ZNF385D: variants seen among roughly 807,000 people sequenced by gnomAD.
The protein encoded by ZNF385D is zinc finger protein 659.
Under a neutral mutation model 35.8 loss-of-function variants are expected in ZNF385D, and 15 were observed. The observed-to-expected ratio is 0.42, with a 90% CI of 0.28 to 0.64. ZNF385D has a LOEUF of 0.64. Among genes scored for constraint, ZNF385D ranks in the 30% least tolerant of loss-of-function variants. The pLI is 0.23. For synonymous variants in ZNF385D, 212 were observed against 186.8 expected, an observed-to-expected ratio of 1.13 and a Z score of -1.10; for missense variants, 474 against 494.6, an observed-to-expected ratio of 0.96 and a Z score of 0.39.
At chr3:21,499,623 C>A (rs2125434426) in intron 4 of ZNF385D, among the ~76,000 whole-genome samples, 1 of 151,302 alleles carries the variant, frequency 6.6e-6, no homozygotes, top group African/African-American at 2.4e-5. Context: ...CACCACTAAA[C>A]CTAATAAAAG....
chr3:22,032,173 T>C (rs1337180824), intron 3 of ZNF385D, among the ~76,000 whole-genome samples: 2 of 152,180 alleles, frequency 1.3e-5, no homozygotes, highest in African/African-American at 4.8e-5. Context: ...CTTCCGAAGT[T>C]TCCCACATCT....
At chr3:22,190,926 C>A (rs1695977735) in intron 2 of ZNF385D, among the ~76,000 whole-genome samples, 1 of 152,114 alleles carries the variant, frequency 6.6e-6, no homozygotes, top group Non-Finnish European at 1.5e-5. Flanking sequence ...AATGTAAAAT[C>A]ATCTATGAAA....
intron 3 of ZNF385D, among the ~76,000 whole-genome samples, chr3:22,032,909 G>C (rs924137834): frequency 9.2e-5 from 14 of 152,220 alleles, no homozygotes; most frequent in African/African-American, 3.1e-4. Context: ...GGCACAGAGA[G>C]GTAAAGTAAC....
chr3:21,807,918 A>G (rs1337329621), intron 3 of ZNF385D, among the ~76,000 whole-genome samples: 2 of 152,218 alleles, frequency 1.3e-5, no homozygotes, highest in African/African-American at 4.8e-5. Flanking sequence ...CTAAATTTAT[A>G]GAAGGAAATT....
intron 1 of ZNF385D, among the ~76,000 whole-genome samples, chr3:21,693,906 A>C (rs1575474479): frequency 7.3e-6 from 1 of 137,136 alleles, no homozygotes; most frequent in African/African-American, 2.8e-5. Context: ...TTTGAGACGG[A>C]GTCTCACTGT....
chr3:21,528,542 T>C (rs1260297500), intron 3 of ZNF385D, among the ~76,000 whole-genome samples: 1 of 152,178 alleles, frequency 6.6e-6, no homozygotes, highest in South Asian at 2.1e-4. Context: ...ACCCATTAAA[T>C]ATATTAAAAC....
At chr3:21,421,506 C>A (rs1247477952) in intron 7 of ZNF385D, 59 bp from the exon 8 acceptor site, 3 of 1,263,408 alleles carry the variant, frequency 2.4e-6, no homozygotes, top group Non-Finnish European at 3.3e-6. Context: ...GTACTTAAAA[C>A]CCAAAATGGC....
chr3:22,073,026 T>C (rs554436239), intron 3 of ZNF385D, among the ~76,000 whole-genome samples: 18 of 152,058 alleles, frequency 1.2e-4, no homozygotes, highest in African/African-American at 4.3e-4. Flanking sequence ...TTCAGACTTC[T>C]AGCTCCAAAC....
At chr3:21,454,190 T>C (rs1702637061) in intron 4 of ZNF385D, among the ~76,000 whole-genome samples, 2 of 151,892 alleles carry the variant, frequency 1.3e-5, no homozygotes, top group Admixed American at 1.3e-4. Flanking sequence ...TGCCAGGGAA[T>C]GGGAGAAAGG....
intron 4 of ZNF385D, among the ~76,000 whole-genome samples, chr3:21,494,957 T>C (rs1280040922): frequency 6.6e-6 from 1 of 152,212 alleles, no homozygotes; most frequent in East Asian, 1.9e-4. Context: ...TCAGTTGCTC[T>C]AGACGTTCAT....
chr3:22,282,752 C>G lies in ZNF385D; in HGVS notation c.106+89698G>C, dbSNP rs560637154. Among the ~76,000 whole-genome samples the G allele has an allele frequency of 1.0e-3, 156 of 151,958 alleles. 1 individual carries two copies. Among genetic ancestry groups the G allele is most frequent in the South Asian group, 1.9e-3 (9 of 4,806 alleles). ...AAATCTCCTTAAAGGGTAAATCTCACAGGACCTATAAAATTATAACACAAT... is the reference window on the plus strand; with the variant it reads ...AAATCTCCTTAAAGGGTAAATCTCAGAGGACCTATAAAATTATAACACAAT... On this transcript the variant is annotated intron_variant, in intron 2 of 5. Transcript: ENST00000494108.
In ZNF385D at chr3:22,085,957, G is replaced by A. The variant is rs141514433; in HGVS notation, c.325+82860C>T. Among the ~76,000 whole-genome samples, 480 of 151,882 alleles carry A rather than the reference G, an allele frequency of 3.2e-3. 2 individuals are homozygous for A. The highest frequency in any genetic ancestry group is 0.01 in the Middle Eastern group (3 of 294). On this transcript the variant is annotated intron_variant, in intron 3 of 5. Transcript: ENST00000494108. ...AAACACAACCAATGATAGAAACCAC[G>A]ATTATCTCAATAGATGCAGAAAAGG...
rs1051301462 is a variant in ZNF385D at position 21,417,506 on chromosome 3, T to C, written c.*3708A>G. 6.6e-6 allele frequency: 1 copy of C among 152,126 alleles called. No homozygotes were observed. The highest frequency in any genetic ancestry group is 1.5e-5 in the Non-Finnish European group (1 of 67,982). 9.4% of individuals were successfully genotyped at this position (152,126 alleles called of 1,614,324 possible). ...TCAGATCTAAAGAAACAGGCCTATA[T>C]ACCACTTCAGTTACCTTTTAGCTTT... is the stretch of plus-strand genomic sequence containing the variant. On this transcript the variant is annotated 3_prime_UTR_variant, in exon 8 of 8. Transcript: ENST00000281523.
intron 3 of ZNF385D, among the ~76,000 whole-genome samples, chr3:21,950,032 T>C (rs1216657592): frequency 3.9e-5 from 6 of 152,196 alleles, no homozygotes; most frequent in Non-Finnish European, 8.8e-5. Flanking sequence ...TGCACATGTC[T>C]TTATAGTAGA....
At chr3:21,662,191 G>A (rs951720965) in intron 2 of ZNF385D, among the ~76,000 whole-genome samples, 12 of 152,104 alleles carry the variant, frequency 7.9e-5, no homozygotes, top group Non-Finnish European at 1.6e-4. Flanking sequence ...AGGAGGGACT[G>A]CTGACTGCCT....
intron 3 of ZNF385D, among the ~76,000 whole-genome samples, chr3:22,045,949 C>G (rs780720743): frequency 6.2e-4 from 93 of 149,238 alleles, no homozygotes; most frequent in Non-Finnish European, 7.2e-4. Flanking sequence ...GAGCTAGGGA[C>G]TATTCATATC....
chr3:21,452,602 C>T (rs988175854), intron 4 of ZNF385D, among the ~76,000 whole-genome samples: 2 of 151,950 alleles, frequency 1.3e-5, no homozygotes, highest in Non-Finnish European at 1.5e-5. Flanking sequence ...AAAACAATTT[C>T]CCTTACAATT....
Position 21,978,393 on chromosome 3 carries a change from G to C in ZNF385D, c.325+190424C>G, listed in dbSNP as rs969043014. 64 of 152,232 alleles carry C rather than the reference G, an allele frequency of 4.2e-4. 1 individual carries two copies. The highest frequency in any genetic ancestry group is 4.1e-3 in the Admixed American group (63 of 15,276). 9.4% of individuals were successfully genotyped at this position (152,232 alleles called of 1,614,324 possible). On this transcript the variant is annotated intron_variant, in intron 3 of 5. Coordinates refer to the ZNF385D transcript ENST00000494108. ...TTGTGGAATATTAGATATGCTACGT[G>C]TTTTGCCTTTGCTTTTTAATTTATT... is the stretch of plus-strand genomic sequence containing the variant.
intron 3 of ZNF385D, among the ~76,000 whole-genome samples, chr3:21,876,808 C>T (rs1172949037): frequency 6.6e-6 from 1 of 151,974 alleles, no homozygotes; most frequent in Non-Finnish European, 1.5e-5. Flanking sequence ...TACAGCTTCA[C>T]CCTGCTGCAA....
Sources: gnomAD v4.1 joint callset for allele counts (sites outside exome capture counted in the v4.1 genomes callset) on GRCh38, gnomAD v4.1.1 for gene constraint, MANE v1.5 for transcripts, NCBI Gene and HGNC (gene_info 2026-07-23, HGNC 2026-07-21) for gene names.